Variants in TMTC1 observed in about 807,000 individuals in gnomAD.
The protein encoded by TMTC1 is transmembrane O-mannosyltransferase targeting cadherins 1.
A neutral mutation model predicts 104.8 loss-of-function variants in TMTC1; 73 were observed. That is an observed-to-expected ratio of 0.70 (90% CI 0.58 to 0.85). The LOEUF is 0.85. Ranked by LOEUF, TMTC1 falls within the 40% of genes least tolerant of loss-of-function variation. TMTC1 has a pLI of 0.00. For missense variants in TMTC1, 1,035 were observed against 1,096.1 expected (o/e 0.94, Z 0.79); for synonymous variants, 434 against 428.7 (o/e 1.01, Z -0.15).
At chr12:29,718,238 G>A (rs1204722157) in intron 5 of TMTC1, among the ~76,000 whole-genome samples, 1 of 152,222 alleles carries the variant, frequency 6.6e-6, no homozygotes, top group Non-Finnish European at 1.5e-5. Context: ...GATGGGAACA[G>A]TATGAAAAGT....
chr12:29,748,075 T>G (rs1942999755), intron 5 of TMTC1, among the ~76,000 whole-genome samples: 1 of 151,844 alleles, frequency 6.6e-6, no homozygotes, highest in Non-Finnish European at 1.5e-5. Flanking sequence ...ATGACACTGT[T>G]TTTTGTTTTT....
At chr12:29,636,079 C>T (rs954728022) in intron 5 of TMTC1, among the ~76,000 whole-genome samples, 2 of 152,134 alleles carry the variant, frequency 1.3e-5, no homozygotes, top group African/African-American at 2.4e-5. Context: ...TAAGAGTGCT[C>T]GTCTTTTAGA....
rs1458720875 is a variant in TMTC1, at chr12:29,520,620, G to C, written c.1886C>G (p.Thr629Ser). The change falls in exon 12 of 18, where the codon ACT (threonine) becomes AGT (serine). Residue 629 changes from threonine to serine, a missense_variant and splice_region_variant. By Grantham distance (58) the Thr-to-Ser change is moderately conservative (BLOSUM62 1). Coordinates refer to ENST00000539277, the MANE Select transcript of TMTC1 (RefSeq NM_001193451.2). ...AGTTTCTCTTTAATTTCACTTACCA[G>C]TATCAACTAAGAAAACCCCATAGTT... ...HNNYGVFLVD[T>S]GLPEKAVAHY... 1 of 1,608,190 alleles carries C rather than the reference G, an allele frequency of 6.2e-7. No individual in the cohort carries two copies. Among genetic ancestry groups the C allele is most frequent in the Non-Finnish European group, 8.5e-7 (1 of 1,175,904 alleles).
intron 5 of TMTC1, among the ~76,000 whole-genome samples, chr12:29,723,128 A>C (rs1237110504): frequency 6.6e-6 from 1 of 152,066 alleles, no homozygotes; most frequent in East Asian, 1.9e-4. Context: ...TTACACAGAA[A>C]ACTGTAGAAC....
chr12:29,695,424 A>T (rs1428110536), intron 5 of TMTC1, among the ~76,000 whole-genome samples: 3 of 152,056 alleles, frequency 2.0e-5, no homozygotes, highest in Non-Finnish European at 2.9e-5. Flanking sequence ...CTCCTGCCTC[A>T]GACTCCTGAG....
chr12:29,658,157 T>C (rs1211693838), intron 5 of TMTC1, among the ~76,000 whole-genome samples: 1 of 151,956 alleles, frequency 6.6e-6, no homozygotes, highest in Non-Finnish European at 1.5e-5. Context: ...CCCTAAGAGA[T>C]ATGAATAAAC....
intron 8 of TMTC1, among the ~76,000 whole-genome samples, chr12:29,576,217 G>A (rs565147887): frequency 9.2e-5 from 14 of 152,112 alleles, no homozygotes; most frequent in African/African-American, 3.1e-4. Flanking sequence ...TCACTTTTTT[G>A]CTTGTTTCCT....
At position 29,583,717 on chromosome 12, in the gene TMTC1, T is replaced by C. The variant is rs536798420; in HGVS notation, c.1251-143A>G. 9 of 699,234 alleles carry C rather than the reference T, an allele frequency of 1.3e-5. No homozygotes were observed. The South Asian group carries it at 1.7e-4, about 13-fold the overall frequency. The allele number at this position is 699,234 out of a possible 1,614,324, so 43.3% of individuals were successfully genotyped here. On this transcript the variant is annotated intron_variant, in intron 7 of 17. Transcript: ENST00000539277. ...AGAAACTCCCCTGCCTTGGACAATA[T>C]TAACATGTTAGTTCTCTAAAGTGCT...
chr12:29,632,837 A>G (rs1938364242), intron 6 of TMTC1, among the ~76,000 whole-genome samples: 1 of 152,214 alleles, frequency 6.6e-6, no homozygotes, highest in South Asian at 2.1e-4. Flanking sequence ...TTAAGCATTT[A>G]TAAATAGGTT....
At chr12:29,629,702 G>A (rs1938197694) in intron 6 of TMTC1, among the ~76,000 whole-genome samples, 1 of 152,206 alleles carries the variant, frequency 6.6e-6, no homozygotes, top group African/African-American at 2.4e-5. Flanking sequence ...AATAAGTATG[G>A]GGGTATTTTA....
intron 5 of TMTC1, among the ~76,000 whole-genome samples, chr12:29,719,911 C>T (rs1942189196): frequency 6.6e-6 from 1 of 152,102 alleles, no homozygotes; most frequent in South Asian, 2.1e-4. Flanking sequence ...AGAAATTCAC[C>T]TCTATCTGTT....
intron 10 of TMTC1, among the ~76,000 whole-genome samples, chr12:29,545,948 G>A (rs1944932149): frequency 6.6e-6 from 1 of 152,168 alleles, no homozygotes; most frequent in Non-Finnish European, 1.5e-5. Context: ...AGTATTATTT[G>A]CACTTTATAC....
At chr12:29,602,336 G>T (rs953033680) in intron 7 of TMTC1, among the ~76,000 whole-genome samples, 2 of 152,050 alleles carry the variant, frequency 1.3e-5, no homozygotes, top group African/African-American at 4.8e-5. Flanking sequence ...TAGAGGCAGG[G>T]TCTCACCATG....
intron 16 of TMTC1, among the ~76,000 whole-genome samples, chr12:29,512,684 T>C (rs1047167781): frequency 1.3e-5 from 2 of 152,212 alleles, no homozygotes; most frequent in Non-Finnish European, 2.9e-5. Context: ...ATGAAAAGTC[T>C]TCAAATGTTT....
At chr12:29,638,378 A>G (rs1208900945) in intron 5 of TMTC1, among the ~76,000 whole-genome samples, 2 of 152,046 alleles carry the variant, frequency 1.3e-5, no homozygotes, top group African/African-American at 2.4e-5. Context: ...GCTGGACTCT[A>G]GGGAAAGACT....
chr12:29,642,794 G>A (rs1026179938), intron 5 of TMTC1, among the ~76,000 whole-genome samples: 3 of 151,932 alleles, frequency 2.0e-5, no homozygotes, highest in Non-Finnish European at 4.4e-5. Flanking sequence ...GCGTGGTGGC[G>A]GGCGCCTGTG....
chr12:29,548,032 C>T (rs1316191877), intron 10 of TMTC1, among the ~76,000 whole-genome samples: 6 of 152,150 alleles, frequency 3.9e-5, no homozygotes, highest in African/African-American at 7.2e-5. Context: ...AAGCACCAGG[C>T]GCTAACCATT....
At chr12:29,586,386 G>T (rs914717314) in intron 7 of TMTC1, among the ~76,000 whole-genome samples, 1 of 152,140 alleles carries the variant, frequency 6.6e-6, no homozygotes, top group Non-Finnish European at 1.5e-5. Context: ...TGCAAACAGG[G>T]ACAATTTGAC....
intron 10 of TMTC1, among the ~76,000 whole-genome samples, chr12:29,550,450 G>A (rs1031260258): frequency 6.6e-6 from 1 of 152,144 alleles, no homozygotes; most frequent in African/African-American, 2.4e-5. Flanking sequence ...GGTCTTAATA[G>A]AAGGCAACTG....
Sources: gnomAD v4.1 joint callset for allele counts (sites outside exome capture counted in the v4.1 genomes callset) on GRCh38, gnomAD v4.1.1 for gene constraint, MANE v1.5 for transcripts, NCBI Gene and HGNC (gene_info 2026-07-23, HGNC 2026-07-21) for gene names.